Variants in BLTP3B observed in about 807,000 individuals in gnomAD.
BLTP3B encodes bridge-like lipid transfer protein family member 3B.
the BLTP3B span, among the ~76,000 whole-genome samples, chr12:100,110,688 G>A: frequency 6.6e-6 from 1 of 151,948 alleles, no homozygotes; most frequent in Non-Finnish European, 1.5e-5. Flanking sequence ...GGTATCTAAA[G>A]GAAGAGAAGT....
the BLTP3B span, among the ~76,000 whole-genome samples, chr12:100,042,104 T>G: frequency 6.6e-6 from 1 of 152,008 alleles, no homozygotes; most frequent in African/African-American, 2.4e-5. Flanking sequence ...TTGAAAGAAA[T>G]AAATAGATCT....
the BLTP3B span, chr12:100,037,807 A>G: frequency 6.7e-7 from 1 of 1,487,312 alleles, no homozygotes; most frequent in Non-Finnish European, 9.1e-7. Flanking sequence ...TTCAGGAAAT[A>G]CAGACTATTT....
the BLTP3B span, among the ~76,000 whole-genome samples, chr12:100,043,839 T>G: frequency 6.6e-6 from 1 of 152,234 alleles, no homozygotes; most frequent in African/African-American, 2.4e-5. Context: ...TTCATGCTGT[T>G]GCCTCAGGGG....
At chr12:100,142,811 T>C in the BLTP3B span, 1 of 925,340 alleles carries the variant, frequency 1.1e-6, no homozygotes, top group Middle Eastern at 3.4e-4. Context: ...ACCCGGAGCA[T>C]CACGCTCAGG....
the BLTP3B span, among the ~76,000 whole-genome samples, chr12:100,096,548 G>A: frequency 1.3e-4 from 20 of 152,140 alleles, 1 homozygote; most frequent in South Asian, 3.9e-3. Flanking sequence ...GCCAGGCATC[G>A]TGGCTCACAC....
the BLTP3B span, among the ~76,000 whole-genome samples, chr12:100,101,035 A>T: frequency 7.8e-3 from 1,183 of 152,348 alleles, 13 homozygotes; most frequent in African/African-American, 0.027. Context: ...TATCAACTAT[A>T]CTAAGCACAC....
the BLTP3B span, chr12:100,086,380 G>T: frequency 8.9e-6 from 6 of 674,618 alleles, no homozygotes; most frequent in South Asian, 3.2e-5. Flanking sequence ...AAAGGGGGGG[G>T]GGGAAATATT....
At chr12:100,095,763 G>A in the BLTP3B span, 1 of 1,613,494 alleles carries the variant, frequency 6.2e-7, no homozygotes, top group South Asian at 1.1e-5. Context: ...CTTTCAACTG[G>A]GAATCAGTCA....
chr12:100,079,868 G>A, the BLTP3B span, among the ~76,000 whole-genome samples: 1 of 152,208 alleles, frequency 6.6e-6, no homozygotes, highest in Non-Finnish European at 1.5e-5. Flanking sequence ...CATCCCAGCT[G>A]CTCCAGCCAT....
At chr12:100,096,360 T>G in the BLTP3B span, among the ~76,000 whole-genome samples, 2 of 152,316 alleles carry the variant, frequency 1.3e-5, no homozygotes, top group Middle Eastern at 3.4e-3. Context: ...TCCTTGTACC[T>G]TACAAGTTAT....
the BLTP3B span, among the ~76,000 whole-genome samples, chr12:100,079,153 T>C: frequency 6.6e-6 from 1 of 152,218 alleles, no homozygotes; most frequent in Non-Finnish European, 1.5e-5. Context: ...TACAGTAAAT[T>C]GGTACTAGTA....
At chr12:100,091,730 C>T in the BLTP3B span, among the ~76,000 whole-genome samples, 1 of 151,658 alleles carries the variant, frequency 6.6e-6, no homozygotes, top group African/African-American at 2.4e-5. Context: ...GTCTTGATCT[C>T]CTGACCTCAG....
the BLTP3B span, among the ~76,000 whole-genome samples, chr12:100,137,261 G>A: frequency 2.6e-5 from 4 of 151,758 alleles, no homozygotes; most frequent in African/African-American, 4.8e-5. Context: ...ATCCTTTGAC[G>A]GTTCTTTCCT....
At chr12:100,124,937 TATATATATATATATATA>T in the BLTP3B span, among the ~76,000 whole-genome samples, 4 of 3,660 alleles carry the variant, frequency 1.1e-3, no homozygotes, top group African/African-American at 2.6e-3. Context: ...AAAAAAATTT[TATATATATATATATATA>T]TATATATATA....
the BLTP3B span, among the ~76,000 whole-genome samples, chr12:100,084,905 A>G: frequency 6.6e-6 from 1 of 152,212 alleles, no homozygotes; most frequent in Non-Finnish European, 1.5e-5. Flanking sequence ...GAAAATCACT[A>G]AGATTCAATT....
At chr12:100,080,097 G>A in the BLTP3B span, among the ~76,000 whole-genome samples, 1 of 152,218 alleles carries the variant, frequency 6.6e-6, no homozygotes, top group Non-Finnish European at 1.5e-5. Flanking sequence ...CCTCTGCTAG[G>A]GCAGTGTGGA....
At chr12:100,084,038 A>G in the BLTP3B span, among the ~76,000 whole-genome samples, 1 of 152,014 alleles carries the variant, frequency 6.6e-6, no homozygotes. Context: ...AAACTCCAAA[A>G]ATTAGCTGGG....
chr12:100,047,899 T>C, the BLTP3B span: 1 of 1,382,284 alleles, frequency 7.2e-7, no homozygotes, highest in Non-Finnish European at 9.5e-7. Flanking sequence ...AAAGTCCAGA[T>C]AAGGAAAAGG....
the BLTP3B span, chr12:100,086,340 G>A: frequency 6.0e-6 from 5 of 835,486 alleles, no homozygotes; most frequent in East Asian, 1.6e-4. Flanking sequence ...TGCCCCTCCA[G>A]TAATACGTCT....
Sources: allele counts gnomAD v4.1 joint callset (sites outside exome capture counted in the v4.1 genomes callset), GRCh38; gene constraint gnomAD v4.1.1; transcripts MANE v1.5; gene names NCBI Gene and HGNC (gene_info 2026-07-23, HGNC 2026-07-21).